Variants in RGS6 observed in about 807,000 individuals in gnomAD.
The protein encoded by RGS6 is regulator of G protein signaling 6, also known as regulator of G-protein signaling 6.
In RGS6, 30 loss-of-function variants were observed where a neutral mutation model predicts 78.5. The ratio of observed to expected loss-of-function variants is 0.38; its 90% CI spans 0.29 to 0.52. RGS6 has a LOEUF of 0.52. Ranked by LOEUF, RGS6 falls within the 20% of genes least tolerant of loss-of-function variation. The pLI is 0.85. For missense variants in RGS6, 495 were observed against 609.7 expected, an observed-to-expected ratio of 0.81 and a Z score of 1.98; for synonymous variants, 206 against 206.0, an observed-to-expected ratio of 1.00 and a Z score of 0.00.
intron 2 of RGS6, among the ~76,000 whole-genome samples, chr14:72,071,728 A>C (rs2094414766): frequency 6.6e-6 from 1 of 152,240 alleles, no homozygotes; most frequent in African/African-American, 2.4e-5. Flanking sequence ...TAGTAGACTC[A>C]GAATAGAAAT....
chr14:72,154,008 C>T (rs567987711), intron 2 of RGS6, among the ~76,000 whole-genome samples: 24 of 152,234 alleles, frequency 1.6e-4, no homozygotes, highest in South Asian at 1.0e-3. Flanking sequence ...TTATCTCAAC[C>T]GCATAGGACA....
intron 3 of RGS6, among the ~76,000 whole-genome samples, chr14:72,428,194 G>C (rs1468116696): frequency 6.6e-6 from 1 of 152,172 alleles, no homozygotes; most frequent in Non-Finnish European, 1.5e-5. Flanking sequence ...ATATAGAGAT[G>C]AGACAGAGAA....
At chr14:71,915,217 G>A in the RGS6 span, among the ~76,000 whole-genome samples, 2 of 151,528 alleles carry the variant, frequency 1.3e-5, no homozygotes, top group Admixed American at 6.6e-5. Flanking sequence ...AGATCGTGCC[G>A]CTGCACTCCA....
intron 3 of RGS6, among the ~76,000 whole-genome samples, chr14:72,380,432 A>G (rs1398525782): frequency 6.6e-6 from 1 of 151,912 alleles, no homozygotes; most frequent in East Asian, 1.9e-4. Context: ...GGAGGTCAAT[A>G]TCCAGAATAT....
At chr14:72,137,125 C>T (rs532767107) in intron 2 of RGS6, among the ~76,000 whole-genome samples, 1 of 152,250 alleles carries the variant, frequency 6.6e-6, no homozygotes, top group South Asian at 2.1e-4. Context: ...AGAGGATCCC[C>T]AAATTCTCAC....
At chr14:72,315,893 G>T (rs2070032375) in intron 2 of RGS6, among the ~76,000 whole-genome samples, 1 of 152,132 alleles carries the variant, frequency 6.6e-6, no homozygotes, top group Non-Finnish European at 1.5e-5. Context: ...CTTAACTCTT[G>T]TTCCACCCCC....
intron 2 of RGS6, among the ~76,000 whole-genome samples, chr14:71,993,111 C>A (rs779206827): frequency 2.0e-4 from 30 of 152,156 alleles, no homozygotes; most frequent in Non-Finnish European, 7.3e-5. Context: ...AGTTTTAATG[C>A]AGCATTAATT....
At position 72,246,973 on chromosome 14, in the gene RGS6, T is replaced by C. The variant is rs149179199; in HGVS notation, c.85-105122T>C. On this transcript the variant is annotated intron_variant, in intron 2 of 17. Coordinates refer to ENST00000553525, the MANE Select transcript of RGS6 (RefSeq NM_001204424.2). ...AGAGGAGGAGGGTCTTAAATGATCC[T>C]CTCTGGCTGTCAGATATGCTGGGGA... is the stretch of plus-strand genomic sequence containing the variant. Among the ~76,000 whole-genome samples the C allele has an allele frequency of 1.5e-3, 221 of 151,564 alleles. 1 individual carries two copies. The highest frequency in any genetic ancestry group is 1.6e-3 in the Non-Finnish European group (106 of 67,878).
chr14:71,999,748 C>CCATGAGCTCTGGTTGT (rs1555425212), intron 2 of RGS6, among the ~76,000 whole-genome samples: 4 of 152,098 alleles, frequency 2.6e-5, no homozygotes, highest in East Asian at 1.9e-4. Context: ...TGTGAATTGC[C>CCATGAGCTCTGGTTGT]TAGCTCCCCC....
intron 3 of RGS6, among the ~76,000 whole-genome samples, chr14:72,424,799 G>T (rs368622187): frequency 6.6e-6 from 1 of 152,124 alleles, no homozygotes; most frequent in African/African-American, 2.4e-5. Flanking sequence ...CTGAGTTCTG[G>T]GGGGGCAATG....
At chr14:72,039,346 T>C (rs2092125107) in intron 2 of RGS6, among the ~76,000 whole-genome samples, 1 of 152,186 alleles carries the variant, frequency 6.6e-6, no homozygotes, top group Admixed American at 6.5e-5. Flanking sequence ...GTTTTAGGGC[T>C]AGTTTATAGG....
intron 13 of RGS6, among the ~76,000 whole-genome samples, chr14:72,507,326 C>T (rs1247684705): frequency 6.6e-6 from 1 of 152,224 alleles, no homozygotes; most frequent in East Asian, 1.9e-4. Context: ...TGGTTCTCCC[C>T]TAAAGCTGTC....
chr14:72,113,122 T>G (rs2095809469), intron 2 of RGS6, among the ~76,000 whole-genome samples: 2 of 151,962 alleles, frequency 1.3e-5, no homozygotes, highest in South Asian at 4.2e-4. Flanking sequence ...ACACCCCACT[T>G]CATGCTTAGA....
rs35675211 is a variant in RGS6, at chr14:72,242,839, C to CTTTTTT, written c.85-109234_85-109229dup. Among the ~76,000 whole-genome samples the CTTTTTT allele has an allele frequency of 4.1e-3, 283 of 69,136 alleles. 15 individuals are homozygous for CTTTTTT. The highest frequency in any genetic ancestry group is 0.023 in the East Asian group (43 of 1,886). 45.4% of individuals were successfully genotyped at this position (69,136 alleles called of 152,430 possible). A position where few individuals can be genotyped will look rare whatever the true frequency, so the allele number is the denominator to read the frequency against. ...GTATTTTTCCAACTTCATTTCTTTT[C>CTTTTTT]TTTTTTTTTTTTTTTTTTTTTTTTT... is the stretch of plus-strand genomic sequence containing the variant. On this transcript the variant is annotated intron_variant, in intron 2 of 17. Coordinates refer to ENST00000553525, the MANE Select transcript of RGS6 (RefSeq NM_001204424.2).
At chr14:72,260,874 A>G (rs372852868) in intron 2 of RGS6, among the ~76,000 whole-genome samples, 46 of 152,242 alleles carry the variant, frequency 3.0e-4, no homozygotes, top group African/African-American at 1.1e-3. Flanking sequence ...GACAAGCTCA[A>G]CTTCCACCAT....
chr14:72,233,272 TAGA>T (rs1215133665), intron 2 of RGS6, among the ~76,000 whole-genome samples: 1 of 152,102 alleles, frequency 6.6e-6, no homozygotes, highest in Non-Finnish European at 1.5e-5. Context: ...GACAGCCACT[TAGA>T]AGGAGTGTGC....
At chr14:72,301,777 C>G (rs2066119700) in intron 2 of RGS6, among the ~76,000 whole-genome samples, 1 of 152,154 alleles carries the variant, frequency 6.6e-6, no homozygotes, top group African/African-American at 2.4e-5. Flanking sequence ...TCTCTCCCAC[C>G]TCTGCCCTCA....
At chr14:72,619,391 G>A in the RGS6 span, 9 of 1,535,904 alleles carry the variant, frequency 5.9e-6, no homozygotes, top group Non-Finnish European at 7.8e-6. Flanking sequence ...GACGGCTTTA[G>A]TAGCAGCCCC....
At chr14:72,281,319 T>C (rs896542023) in intron 2 of RGS6, among the ~76,000 whole-genome samples, 6 of 152,024 alleles carry the variant, frequency 3.9e-5, no homozygotes, top group African/African-American at 1.2e-4. Flanking sequence ...CAGCTAATTT[T>C]TGTATTTTTA....
Sources: allele counts gnomAD v4.1 joint callset (sites outside exome capture counted in the v4.1 genomes callset), GRCh38; gene constraint gnomAD v4.1.1; transcripts MANE v1.5; gene names NCBI Gene and HGNC (gene_info 2026-07-23, HGNC 2026-07-21).